CD9: variants seen among roughly 807,000 people sequenced by gnomAD.
CD9 encodes CD9 molecule, also known as CD9 antigen.
CD9 carries 10 observed loss-of-function variants against 31.4 expected under a neutral mutation model. The observed-to-expected ratio is 0.32, with a 90% CI of 0.20 to 0.54. The LOEUF (loss-of-function observed/expected upper bound fraction) is 0.54, where lower values mean the gene tolerates loss of function less well. CD9 is among the 20% of genes least tolerant of loss of function. The pLI is 0.94. For synonymous variants in CD9, 113 were observed against 114.1 expected, an observed-to-expected ratio of 0.99 and a Z score of 0.06; for missense variants, 259 against 300.1, an observed-to-expected ratio of 0.86 and a Z score of 1.01.
At chr12:6,201,047 C>G (rs1191325127) in intron 1 of CD9, 1 of 153,062 alleles carries the variant, frequency 6.5e-6, no homozygotes, top group Admixed American at 6.5e-5. Flanking sequence ...GGTGCGGGCA[C>G]GGCGAGAGCT....
chr12:6,235,741 A>T lies in CD9; in HGVS notation c.537+176A>T, dbSNP rs1218404038. 4.2e-6 allele frequency: 6 copies of T among 1,414,908 alleles called. No individual in the cohort carries two copies. The Admixed American group carries it at 1.8e-4, about 43-fold the overall frequency. 87.6% of individuals were successfully genotyped at this position (1,414,908 alleles called of 1,614,324 possible). ...TTGGGCCCTCTGTTTACTCAAGGGC[A>T]ATAAAACAAAGGCCGGACCAGGGGA... On this transcript the variant is annotated intron_variant, in intron 6 of 7. Transcript: ENST00000009180.
At chr12:6,237,683 G>A (rs1017914861) in intron 7 of CD9, 80 bp from the exon 8 acceptor site, 2 of 1,037,112 alleles carry the variant, frequency 1.9e-6, no homozygotes, top group Non-Finnish European at 1.5e-6. Context: ...CTTGGACTGG[G>A]TGACCCATGT....
rs760998061 is a variant in CD9 at position 6,235,214 on chromosome 12, G to A, written c.349-15G>A. 2.1e-5 allele frequency: 33 copies of A among 1,566,584 alleles called. No individual in the cohort carries two copies. In the Admixed American group the frequency reaches 2.2e-4, roughly 10 times the overall value. On this transcript the variant is annotated splice_polypyrimidine_tract_variant and intron_variant, in intron 4 of 7. Transcript: ENST00000009180. ...AAAATGCCGTCTCTGCCCCTCTCTC[G>A]TCTGCCCATTGTAGGTGATTAAGGA...
intron 1 of CD9, among the ~76,000 whole-genome samples, chr12:6,202,271 T>A (rs1176251495): frequency 6.6e-5 from 10 of 152,154 alleles, no homozygotes; most frequent in Non-Finnish European, 1.0e-4. Context: ...TGACTTGCTT[T>A]AAAAAGACCC....
intron 1 of CD9, among the ~76,000 whole-genome samples, chr12:6,212,909 A>G (rs58561168): frequency 0.018 from 2,789 of 152,212 alleles, 79 homozygotes; most frequent in African/African-American, 0.062. Context: ...AGCAGGGGCC[A>G]TTTATGACCC....
intron 1 of CD9, among the ~76,000 whole-genome samples, chr12:6,215,511 G>A (rs960304339): frequency 4.6e-5 from 7 of 152,182 alleles, no homozygotes; most frequent in African/African-American, 1.7e-4. Flanking sequence ...TCCTGCTGCT[G>A]GTCTGGGGTC....
intron 1 of CD9, among the ~76,000 whole-genome samples, chr12:6,209,753 C>T (rs1219008423): frequency 6.7e-6 from 1 of 149,406 alleles, no homozygotes; most frequent in Non-Finnish European, 1.5e-5. Context: ...GGCACAATCT[C>T]GGCTCACTGC....
intron 1 of CD9, among the ~76,000 whole-genome samples, chr12:6,212,332 A>T (rs74632655): frequency 9.7e-4 from 148 of 152,364 alleles, no homozygotes; most frequent in African/African-American, 3.5e-3. Context: ...ACTAAGAATC[A>T]GAAGGGGCAG....
intron 1 of CD9, among the ~76,000 whole-genome samples, chr12:6,204,629 G>GTCTCA (rs1166290104): frequency 2.0e-5 from 3 of 152,332 alleles, no homozygotes; most frequent in African/African-American, 7.2e-5. Flanking sequence ...TGGGTTCCAT[G>GTCTCA]TCTCATCACC....
At chr12:6,226,865 G>A (rs1370529387) in intron 2 of CD9, among the ~76,000 whole-genome samples, 1 of 152,224 alleles carries the variant, frequency 6.6e-6, no homozygotes, top group Non-Finnish European at 1.5e-5. Context: ...CTGCAGAGCA[G>A]GAGGGAGGAG....
intron 1 of CD9, among the ~76,000 whole-genome samples, chr12:6,207,513 T>A (rs185012854): frequency 5.0e-4 from 76 of 152,356 alleles, no homozygotes; most frequent in African/African-American, 1.7e-3. Flanking sequence ...CTGTATGATC[T>A]TCCAGCCAGG....
At chr12:6,229,419 C>T (rs977478852) in intron 2 of CD9, among the ~76,000 whole-genome samples, 2 of 152,184 alleles carry the variant, frequency 1.3e-5, no homozygotes. Flanking sequence ...ACAGCTTACA[C>T]AACCACAGCA....
At chr12:6,222,613 G>T (rs1220191342) in intron 1 of CD9, among the ~76,000 whole-genome samples, 1 of 152,192 alleles carries the variant, frequency 6.6e-6, no homozygotes, top group East Asian at 1.9e-4. Flanking sequence ...CTTTTCCCTC[G>T]TGGTTCCAGT....
At chr12:6,201,948 G>A (rs1445657874) in intron 1 of CD9, among the ~76,000 whole-genome samples, 1 of 152,234 alleles carries the variant, frequency 6.6e-6, no homozygotes. Flanking sequence ...TGAGATGAGA[G>A]GATGGCATGA....
intron 1 of CD9, among the ~76,000 whole-genome samples, chr12:6,201,749 G>A (rs1053462572): frequency 9.2e-5 from 14 of 152,218 alleles, no homozygotes; most frequent in African/African-American, 3.1e-4. Flanking sequence ...TAACAAAAAA[G>A]TGCACTTGGC....
At position 6,225,535 on chromosome 12, in the gene CD9, G is replaced by A. The variant is rs750246479; in HGVS notation, c.175+1G>A. 1.9e-6 allele frequency: 3 copies of A among 1,577,062 alleles called. No individual in the cohort carries two copies. The highest frequency in any genetic ancestry group is 1.3e-5 in the African/African-American group (1 of 74,168). On this transcript the variant is annotated splice_donor_variant, in intron 2 of 7. Transcript: ENST00000009180. LOFTEE classifies it high-confidence loss of function. The stretch of plus-strand genomic sequence containing the variant: ...AATAATAATTCCAGCTTCTACACAG[G>A]TGAGGGACGGGGAAGGCTCAGTGAA...
At chr12:6,211,643 G>C (rs1379910813) in intron 1 of CD9, among the ~76,000 whole-genome samples, 1 of 152,204 alleles carries the variant, frequency 6.6e-6, no homozygotes, top group African/African-American at 2.4e-5. Context: ...TCGCCAGACA[G>C]CTCGGCGAGG....
chr12:6,211,557 C>T (rs113319540), intron 1 of CD9, among the ~76,000 whole-genome samples: 11 of 152,326 alleles, frequency 7.2e-5, no homozygotes, highest in Admixed American at 2.0e-4. Flanking sequence ...ACGCACGTGG[C>T]GGCCAACTCT....
chr12:6,209,584 G>GA (rs1946169899), intron 1 of CD9, among the ~76,000 whole-genome samples: 1 of 151,860 alleles, frequency 6.6e-6, no homozygotes, highest in Non-Finnish European at 1.5e-5. Flanking sequence ...ACAAGCCTGA[G>GA]AAAATCTCTT....
Sources: gnomAD v4.1 joint callset for allele counts (sites outside exome capture counted in the v4.1 genomes callset) on GRCh38, gnomAD v4.1.1 for gene constraint, MANE v1.5 for transcripts, NCBI Gene and HGNC (gene_info 2026-07-23, HGNC 2026-07-21) for gene names.